Variants in METTL22 observed in about 807,000 individuals in gnomAD.
METTL22 encodes the protein methyltransferase-like protein 22.
METTL22 carries 51 observed loss-of-function variants against 48.4 expected under a neutral mutation model. That is an observed-to-expected ratio of 1.05 (90% CI 0.84 to 1.33). The LOEUF (loss-of-function observed/expected upper bound fraction) is 1.33, where lower values mean the gene tolerates loss of function less well. Ranked by LOEUF, METTL22 falls within the 40% of genes most tolerant of loss-of-function variation. METTL22 has a pLI of 0.00. For missense variants in METTL22, 678 were observed against 526.9 expected (o/e 1.29, Z -2.81); for synonymous variants, 255 against 214.1 (o/e 1.19, Z -1.67).
chr16:8,633,204 C>T lies in METTL22; in HGVS notation c.515-1835C>T, dbSNP rs542218042. Among the ~76,000 whole-genome samples the T allele has an allele frequency of 3.3e-5, 5 of 152,258 alleles. No homozygotes were observed. In the East Asian group the frequency reaches 7.7e-4, roughly 24 times the overall value. On this transcript the variant is annotated intron_variant, in intron 3 of 10. Transcript: ENST00000381920. Reference sequence around the variant, plus strand: ...GCACACAAGCCTTCAGCCTGCCCAGCGAGTCCCTGTCCCTTTCATCCTGGG... The same window carrying T: ...GCACACAAGCCTTCAGCCTGCCCAGTGAGTCCCTGTCCCTTTCATCCTGGG...
rs778356237 is a variant in METTL22 at position 8,625,751 on chromosome 16, C to T, written c.86C>T (p.Pro29Leu). The T allele has an allele frequency of 6.8e-6, 11 of 1,614,104 alleles. No homozygotes were observed. The highest frequency in any genetic ancestry group is 2.7e-5 in the African/African-American group (2 of 74,940). Residue 29 changes from proline (P) to leucine (L), a missense_variant, in exon 2 of 11, where the codon CCG becomes CTG. Transcript: ENST00000381920. ...CTGTCAGATGTCCACCTCTATACCC[C>T]GAACCATAGACATCTCATGGTACGG... Reference protein sequence around the residue: ...TVLSDVHLYTPNHRHLMVRLN... With the variant: ...TVLSDVHLYTLNHRHLMVRLN...
At chr16:8,664,259 C>A in the METTL22 span, among the ~76,000 whole-genome samples, 2 of 151,982 alleles carry the variant, frequency 1.3e-5, no homozygotes, top group African/African-American at 4.8e-5. Flanking sequence ...CAAGCATTTT[C>A]TATTTCTTTG....
At chr16:8,663,110 G>A in the METTL22 span, among the ~76,000 whole-genome samples, 20 of 150,974 alleles carry the variant, frequency 1.3e-4, no homozygotes, top group East Asian at 3.7e-3. Flanking sequence ...GGAGGCTGAG[G>A]TAGGAGAATC....
chr16:8,642,895 C>T (rs2056667564), intron 9 of METTL22: 1 of 327,770 alleles, frequency 3.1e-6, no homozygotes, highest in African/African-American at 2.1e-5. Context: ...GGCCAGCACA[C>T]ACTGTTGAGA....
At chr16:8,660,804 AGGAGGAGGAGGAGGAGGAGGAGGAGGG>A in the METTL22 span, among the ~76,000 whole-genome samples, 3 of 3,008 alleles carry the variant, frequency 1.0e-3, no homozygotes, top group African/African-American at 2.0e-3. Flanking sequence ...GAGGAGGAGG[AGGAGGAGGAGGAGGAGGAGGAGGAGGG>A]GGAGGAGGGG....
chr16:8,631,854 C>G (rs2141723396), intron 3 of METTL22: 1 of 152,314 alleles, frequency 6.6e-6, no homozygotes, highest in South Asian at 2.1e-4. Flanking sequence ...GTGGGAGCCC[C>G]AAGATGGCCC....
rs2056854917 is a variant in METTL22, at chr16:8,649,179, A to C, written c.*3036A>C. The C allele has an allele frequency of 6.6e-6, 1 of 152,210 alleles. No homozygotes were observed. 9.4% of individuals were successfully genotyped at this position (152,210 alleles called of 1,614,324 possible). ...TGCCGCATTAGGGCAAACTGCTTTT[A>C]TGTCTAAACCACTGGGCCTGAAAGC... On this transcript the variant is annotated 3_prime_UTR_variant, in exon 11 of 11. Coordinates refer to ENST00000381920, the MANE Select transcript of METTL22 (RefSeq NM_024109.4).
chr16:8,667,247 T>G, the METTL22 span: 1 of 152,104 alleles, frequency 6.6e-6, no homozygotes, highest in African/African-American at 2.4e-5. Flanking sequence ...ATAAAATTAA[T>G]AAAGTTGTTT....
At chr16:8,652,035 A>G (rs1282293497), downstream of METTL22, among the ~76,000 whole-genome samples, 1 of 152,210 alleles carries the variant, frequency 6.6e-6, no homozygotes, top group East Asian at 1.9e-4. Context: ...AAAACAAGCA[A>G]AAAAGAAAAG....
At chr16:8,661,080 A>G in the METTL22 span, among the ~76,000 whole-genome samples, 1 of 152,274 alleles carries the variant, frequency 6.6e-6, no homozygotes, top group South Asian at 2.1e-4. Flanking sequence ...TGAGGGAAGC[A>G]GGGCCGTCAG....
chr16:8,636,366 CTG>C (rs2056421607), intron 5 of METTL22, among the ~76,000 whole-genome samples: 1 of 152,092 alleles, frequency 6.6e-6, no homozygotes, highest in Non-Finnish European at 1.5e-5. Flanking sequence ...GAAACCCTGT[CTG>C]TACTAAAAAT....
At chr16:8,622,156 T>C (rs1464712622) in intron 1 of METTL22, among the ~76,000 whole-genome samples, 2 of 152,186 alleles carry the variant, frequency 1.3e-5, no homozygotes, top group Non-Finnish European at 2.9e-5. Flanking sequence ...CTACGCACCG[T>C]GGCCAGGCCA....
intron 7 of METTL22, 161 bp from the exon 8 acceptor site, chr16:8,641,966 G>T: frequency 1.5e-6 from 1 of 645,396 alleles, no homozygotes; most frequent in African/African-American, 1.8e-5. Context: ...GGGCAGCAGT[G>T]GGCCTGAAGC....
At chr16:8,659,584 T>C in the METTL22 span, among the ~76,000 whole-genome samples, 4 of 152,054 alleles carry the variant, frequency 2.6e-5, no homozygotes, top group Admixed American at 1.3e-4. Flanking sequence ...AACAAATAAA[T>C]GCAAAATATA....
At chr16:8,642,232 A>G in intron 8 of METTL22, 25 bp downstream of exon 8, 1 of 1,586,928 alleles carries the variant, frequency 6.3e-7, no homozygotes, top group South Asian at 1.1e-5. Flanking sequence ...CCTTCGCCGT[A>G]CACGTCCTTT....
chr16:8,652,296 C>T (rs1187909834), downstream of METTL22, among the ~76,000 whole-genome samples: 2 of 146,982 alleles, frequency 1.4e-5, no homozygotes, highest in African/African-American at 5.0e-5. Context: ...CCATCTCTAC[C>T]AAAAATACAA....
intron 6 of METTL22, 92 bp from the exon 7 acceptor site, chr16:8,641,039 T>C: frequency 1.7e-6 from 2 of 1,211,428 alleles, no homozygotes; most frequent in East Asian, 4.9e-5. Flanking sequence ...GGTGGGTGGA[T>C]AGATGGATCT....
chr16:8,660,614 C>T, the METTL22 span, among the ~76,000 whole-genome samples: 1 of 151,930 alleles, frequency 6.6e-6, no homozygotes, highest in Non-Finnish European at 1.5e-5. Context: ...AATACATACT[C>T]ACTACTGACT....
chr16:8,661,219 C>T, the METTL22 span, among the ~76,000 whole-genome samples: 1 of 93,106 alleles, frequency 1.1e-5, no homozygotes, highest in Non-Finnish European at 2.7e-5. Flanking sequence ...GCCATGCCAA[C>T]GTGTGGGTCT....
Sources: gnomAD v4.1 joint callset for allele counts (sites outside exome capture counted in the v4.1 genomes callset) on GRCh38, gnomAD v4.1.1 for gene constraint, MANE v1.5 for transcripts, NCBI Gene and HGNC (gene_info 2026-07-23, HGNC 2026-07-21) for gene names.